IGF2BP2: variants seen among roughly 807,000 people sequenced by gnomAD.
The protein encoded by IGF2BP2 is insulin-like growth factor 2 mRNA-binding protein 2.
IGF2BP2 carries 17 observed loss-of-function variants against 75.8 expected under a neutral mutation model. The observed-to-expected ratio is 0.22, with a 90% CI of 0.15 to 0.34. The LOEUF (loss-of-function observed/expected upper bound fraction) is 0.34. IGF2BP2 is among the 10% of genes least tolerant of loss of function. IGF2BP2 has a pLI of 1.00. For missense variants in IGF2BP2, 516 were observed against 772.4 expected (o/e 0.67, Z 3.93); for synonymous variants, 288 against 295.6 (o/e 0.97, Z 0.26).
At chr3:185,665,491 A>AAGGAGGAGGAGAAGGAGG (rs1717360601) in intron 10 of IGF2BP2, among the ~76,000 whole-genome samples, 1 of 37,704 alleles carries the variant, frequency 2.7e-5, no homozygotes, top group Non-Finnish European at 5.1e-5. Context: ...GAAGGAGGAG[A>AAGGAGGAGGAGAAGGAGG]AGGAGGAGGA....
At chr3:185,796,632 AAAGAG>A (rs1394661914) in intron 2 of IGF2BP2, among the ~76,000 whole-genome samples, 806 of 60,230 alleles carry the variant, frequency 0.013, 7 homozygotes, top group African/African-American at 0.075. Flanking sequence ...AAAAAAAAAA[AAAGAG>A]AGAGAGACTA....
At chr3:185,770,531 C>T (rs1425080361) in intron 2 of IGF2BP2, among the ~76,000 whole-genome samples, 1 of 152,134 alleles carries the variant, frequency 6.6e-6, no homozygotes, top group Non-Finnish European at 1.5e-5. Context: ...TTTAAAAAGA[C>T]TGAGAAGTTA....
intron 2 of IGF2BP2, among the ~76,000 whole-genome samples, chr3:185,718,600 G>A (rs992425903): frequency 6.9e-6 from 1 of 145,208 alleles, no homozygotes; most frequent in Non-Finnish European, 1.5e-5. Context: ...CAGGAGAATC[G>A]CTTGAACCCA....
intron 2 of IGF2BP2, among the ~76,000 whole-genome samples, chr3:185,757,721 C>T (rs192432048): frequency 2.0e-5 from 3 of 152,188 alleles, no homozygotes; most frequent in African/African-American, 4.8e-5. Context: ...CATGGTCTCT[C>T]GAAGTGCCGA....
intron 10 of IGF2BP2, among the ~76,000 whole-genome samples, chr3:185,665,948 C>G (rs1041442482): frequency 1.3e-5 from 2 of 151,942 alleles, no homozygotes; most frequent in Non-Finnish European, 2.9e-5. Context: ...GCCTGGGTGA[C>G]AGAGCGAGAC....
At chr3:185,721,704 C>CCTGTCTTCCTCTTCT (rs1578099276) in intron 2 of IGF2BP2, among the ~76,000 whole-genome samples, 2 of 152,116 alleles carry the variant, frequency 1.3e-5, no homozygotes, top group African/African-American at 4.8e-5. Context: ...CTCTCATGTA[C>CCTGTCTTCCTCTTCT]CTGTCTTCCT....
intron 2 of IGF2BP2, among the ~76,000 whole-genome samples, chr3:185,725,847 T>C (rs1172378465): frequency 1.3e-5 from 2 of 152,150 alleles, no homozygotes. Context: ...CATGTGTGCT[T>C]GTAGTCCCAG....
At chr3:185,772,308 T>G (rs1017836682) in intron 2 of IGF2BP2, among the ~76,000 whole-genome samples, 2 of 152,320 alleles carry the variant, frequency 1.3e-5, no homozygotes, top group South Asian at 4.1e-4. Flanking sequence ...TTTTATTCAG[T>G]GGGCTGTTCT....
At chr3:185,763,501 T>G (rs1423362884) in intron 2 of IGF2BP2, among the ~76,000 whole-genome samples, 20 of 152,240 alleles carry the variant, frequency 1.3e-4, no homozygotes, top group Admixed American at 1.2e-3. Context: ...AGTTACAAGC[T>G]TGTCTTATCT....
intron 2 of IGF2BP2, among the ~76,000 whole-genome samples, chr3:185,719,600 G>A (rs1044083466): frequency 1.3e-5 from 2 of 152,198 alleles, no homozygotes; most frequent in Non-Finnish European, 2.9e-5. Flanking sequence ...TTGGGAGGCC[G>A]AGGCAGGTGG....
chr3:185,711,983 T>A (rs1030072961), intron 2 of IGF2BP2, among the ~76,000 whole-genome samples: 1 of 152,194 alleles, frequency 6.6e-6, no homozygotes, highest in Non-Finnish European at 1.5e-5. Flanking sequence ...TTGGTCCTGA[T>A]GTGCTCAGGA....
intron 4 of IGF2BP2, 57 bp from the exon 5 acceptor site, chr3:185,692,819 TTAATG>T (rs763364576): frequency 6.6e-7 from 1 of 1,513,696 alleles, no homozygotes; most frequent in Non-Finnish European, 9.2e-7. Context: ...ACCCTCTGGC[TTAATG>T]TAAACAGACA....
intron 2 of IGF2BP2, among the ~76,000 whole-genome samples, chr3:185,723,203 G>A (rs918065219): frequency 1.3e-5 from 2 of 152,026 alleles, no homozygotes; most frequent in African/African-American, 4.8e-5. Flanking sequence ...CCACATTAGG[G>A]GCACAATCAA....
At chr3:185,776,832 C>T (rs1734594294) in intron 2 of IGF2BP2, among the ~76,000 whole-genome samples, 1 of 152,120 alleles carries the variant, frequency 6.6e-6, no homozygotes, top group Non-Finnish European at 1.5e-5. Context: ...TCAAACATTC[C>T]AATGTTCTTT....
rs972341466 is a variant in IGF2BP2 at position 185,808,242 on chromosome 3, G to A, written c.239+14911C>T. On this transcript the variant is annotated intron_variant, in intron 2 of 15. Transcript: ENST00000382199. ...TGTAATCCCAGGACTTTGGAAGGCC[G>A]AGGCGGGTGGATCACCTGAGGTCAG... 5.3e-5 allele frequency among the ~76,000 whole-genome samples: 8 copies of A among 152,174 alleles called. No individual in the cohort carries two copies. The East Asian group carries it at 7.7e-4, about 15-fold the overall frequency.
intron 2 of IGF2BP2, chr3:185,813,958 G>A (rs1740261673): frequency 6.6e-6 from 1 of 152,174 alleles, no homozygotes; most frequent in South Asian, 2.1e-4. Context: ...AACCTTTTTT[G>A]GGGCAGGGCA....
At chr3:185,750,106 G>A (rs1185441938) in intron 2 of IGF2BP2, among the ~76,000 whole-genome samples, 1 of 152,110 alleles carries the variant, frequency 6.6e-6, no homozygotes, top group African/African-American at 2.4e-5. Flanking sequence ...AATCTGGGGT[G>A]GGGCCTTAGA....
At chr3:185,738,405 GA>G in intron 2 of IGF2BP2, among the ~76,000 whole-genome samples, 1 of 152,288 alleles carries the variant, frequency 6.6e-6, no homozygotes, top group South Asian at 2.1e-4. Context: ...TTGAGAACAT[GA>G]AAAGTATAAA....
At chr3:185,823,429 C>T (rs1457566474) in intron 1 of IGF2BP2, among the ~76,000 whole-genome samples, 1 of 152,150 alleles carries the variant, frequency 6.6e-6, no homozygotes, top group Admixed American at 6.5e-5. Flanking sequence ...GAGCCCGGGT[C>T]GGACCCCAGG....
Sources: allele counts gnomAD v4.1 joint callset (sites outside exome capture counted in the v4.1 genomes callset), GRCh38; gene constraint gnomAD v4.1.1; transcripts MANE v1.5; gene names NCBI Gene and HGNC (gene_info 2026-07-23, HGNC 2026-07-21).